The following CHST9 variants were observed in gnomAD, a reference collection of about 807,000 sequenced individuals.
The protein encoded by CHST9 is GalNAc-4-sulfotransferase 2.
A neutral mutation model predicts 44.4 loss-of-function variants in CHST9; 41 were observed. The ratio of observed to expected loss-of-function variants is 0.92; its 90% confidence interval spans 0.72 to 1.20. The LOEUF (loss-of-function observed/expected upper bound fraction) is 1.20, where lower values mean the gene tolerates loss of function less well. Ranked by LOEUF, CHST9 falls within the 50% of genes most tolerant of loss-of-function variation. The pLI is 0.00. For synonymous variants in CHST9, 171 were observed against 178.4 expected, an observed-to-expected ratio of 0.96 and a Z score of 0.33; for missense variants, 504 against 516.5, an observed-to-expected ratio of 0.98 and a Z score of 0.23.
At chr18:27,135,378 C>T (rs1462392230) in intron 2 of CHST9, among the ~76,000 whole-genome samples, 3 of 152,122 alleles carry the variant, frequency 2.0e-5, no homozygotes, top group Admixed American at 1.3e-4. Flanking sequence ...CTTTGTTGGT[C>T]TCACTTTATT....
chr18:27,091,493 G>A (rs916352101), intron 2 of CHST9, among the ~76,000 whole-genome samples: 6 of 152,152 alleles, frequency 3.9e-5, no homozygotes, highest in Non-Finnish European at 8.8e-5. Context: ...TTGAATAGGA[G>A]TGGTGAGAGA....
rs545638551 is a variant in CHST9, at chr18:27,070,984, C to T, written c.122-22481G>A. On this transcript the variant is annotated intron_variant, in intron 2 of 5. Coordinates refer to ENST00000618847, the MANE Select transcript of CHST9 (RefSeq NM_031422.6). Reference sequence around the variant, plus strand: ...ACCCCACAGGGTCCTGTGGCCTCTCCGTGGGCCTAGTTCCCATGAGTCTCC... The same window carrying T: ...ACCCCACAGGGTCCTGTGGCCTCTCTGTGGGCCTAGTTCCCATGAGTCTCC... 2.0e-5 allele frequency among the ~76,000 whole-genome samples: 3 copies of T among 152,278 alleles called. No homozygotes were observed. In the South Asian group the frequency reaches 6.2e-4, roughly 32 times the overall value.
At chr18:27,001,956 A>C (rs2056958524) in intron 4 of CHST9, among the ~76,000 whole-genome samples, 1 of 152,158 alleles carries the variant, frequency 6.6e-6, no homozygotes, top group Admixed American at 6.5e-5. Flanking sequence ...ACTCAGGGCC[A>C]AGCATATACA....
intron 1 of CHST9, among the ~76,000 whole-genome samples, chr18:27,147,515 C>T (rs532199214): frequency 1.3e-5 from 2 of 152,274 alleles, no homozygotes; most frequent in South Asian, 2.1e-4. Flanking sequence ...TTCTCCCCTC[C>T]GGTAGCAGCT....
chr18:27,017,666 G>T (rs965908587), intron 4 of CHST9, among the ~76,000 whole-genome samples: 3 of 152,166 alleles, frequency 2.0e-5, no homozygotes, highest in African/African-American at 7.2e-5. Context: ...AGGGCAAAGA[G>T]AAAACTATTT....
At chr18:26,971,649 G>C (rs1373695694) in intron 4 of CHST9, among the ~76,000 whole-genome samples, 7 of 152,254 alleles carry the variant, frequency 4.6e-5, no homozygotes, top group African/African-American at 1.7e-4. Flanking sequence ...GGGAGGAATG[G>C]ACGTGGCAGA....
rs929493132 is a variant in CHST9, at chr18:27,048,344, T to A, written c.160+121A>T. ...TTTATTTTAATTAAATTAATATCGA[T>A]CAGTTCAAAAACCATAAACTATTAA... On this transcript the variant is annotated intron_variant, in intron 3 of 5. Coordinates refer to ENST00000618847, the MANE Select transcript of CHST9 (RefSeq NM_031422.6). The A allele has an allele frequency of 5.8e-6, 4 of 686,946 alleles. No homozygotes were observed. The African/African-American group carries it at 7.6e-5, about 13-fold the overall frequency. 42.6% of individuals were successfully genotyped at this position (686,946 alleles called of 1,614,324 possible).
At chr18:27,108,728 T>A (rs2058243936) in intron 2 of CHST9, among the ~76,000 whole-genome samples, 1 of 152,186 alleles carries the variant, frequency 6.6e-6, no homozygotes, top group African/African-American at 2.4e-5. Context: ...TCACTTCTTA[T>A]CCTACCAATC....
chr18:26,939,565 T>A (rs951524480), intron 5 of CHST9, among the ~76,000 whole-genome samples: 1 of 152,068 alleles, frequency 6.6e-6, no homozygotes, highest in African/African-American at 2.4e-5. Flanking sequence ...TGAATGGAGG[T>A]CCACATACTA....
intron 1 of CHST9, among the ~76,000 whole-genome samples, chr18:27,161,089 G>GT (rs1324118251): frequency 1.3e-5 from 2 of 152,028 alleles, no homozygotes; most frequent in African/African-American, 2.4e-5. Context: ...TTTTTGAAGG[G>GT]TTTTTTGTGT....
intron 4 of CHST9, among the ~76,000 whole-genome samples, chr18:26,953,368 G>A (rs1475211405): frequency 6.6e-6 from 1 of 152,132 alleles, no homozygotes; most frequent in Non-Finnish European, 1.5e-5. Flanking sequence ...GCAGGTCTGG[G>A]TCAATTGCTT....
At chr18:27,026,929 G>A (rs898642758) in intron 3 of CHST9, among the ~76,000 whole-genome samples, 1 of 152,120 alleles carries the variant, frequency 6.6e-6, no homozygotes, top group African/African-American at 2.4e-5. Context: ...TCTGATCATC[G>A]TTTTTTGTGG....
chr18:26,959,422 A>G (rs964715041), intron 4 of CHST9, among the ~76,000 whole-genome samples: 1 of 152,218 alleles, frequency 6.6e-6, no homozygotes, highest in African/African-American at 2.4e-5. Flanking sequence ...AGCATCACAC[A>G]AGATACCCAG....
At chr18:27,054,666 T>C (rs1421562843) in intron 2 of CHST9, among the ~76,000 whole-genome samples, 1 of 152,144 alleles carries the variant, frequency 6.6e-6, no homozygotes, top group Non-Finnish European at 1.5e-5. Flanking sequence ...AGTAGTCTCT[T>C]AATCACAGTG....
intron 5 of CHST9, chr18:26,936,644 A>C (rs1258117811): frequency 6.6e-6 from 1 of 152,166 alleles, no homozygotes; most frequent in Non-Finnish European, 1.5e-5. Context: ...GATGATGCTA[A>C]CCATTTTGCT....
At chr18:27,084,027 C>A (rs573543332) in intron 2 of CHST9, among the ~76,000 whole-genome samples, 13 of 151,548 alleles carry the variant, frequency 8.6e-5, no homozygotes, top group African/African-American at 3.2e-4. Context: ...TGATGTGCTG[C>A]TAGATTTGGT....
At chr18:26,953,926 GA>G (rs1407437584) in intron 4 of CHST9, among the ~76,000 whole-genome samples, 1 of 152,170 alleles carries the variant, frequency 6.6e-6, no homozygotes, top group Non-Finnish European at 1.5e-5. Flanking sequence ...TGCCACATGT[GA>G]AGTCTTGAAA....
At chr18:27,037,454 C>A (rs1286461109) in intron 3 of CHST9, among the ~76,000 whole-genome samples, 1 of 152,148 alleles carries the variant, frequency 6.6e-6, no homozygotes, top group Non-Finnish European at 1.5e-5. Flanking sequence ...CTTTCGGAGG[C>A]CAAGGCAGGA....
In CHST9 at chr18:26,916,006, C is replaced by T; in HGVS notation, c.*253G>A. ...ACAGCTGGCTAGGTTATTGCTTCAA[C>T]AATATAATTCATAATGCAAAAGCAG... On this transcript the variant is annotated 3_prime_UTR_variant, in exon 6 of 6. Coordinates refer to ENST00000618847, the MANE Select transcript of CHST9 (RefSeq NM_031422.6). 3.1e-6 allele frequency: 1 copy of T among 322,410 alleles called. No homozygotes were observed. Among genetic ancestry groups the T allele is most frequent in the Non-Finnish European group, 5.7e-6 (1 of 174,746 alleles). 20.0% of individuals were successfully genotyped at this position (322,410 alleles called of 1,614,324 possible). A position where few individuals can be genotyped will look rare whatever the true frequency, so the allele number is the denominator to read the frequency against.
Sources: gnomAD v4.1 joint callset for allele counts (sites outside exome capture counted in the v4.1 genomes callset) on GRCh38, gnomAD v4.1.1 for gene constraint, MANE v1.5 for transcripts, NCBI Gene and HGNC (gene_info 2026-07-23, HGNC 2026-07-21) for gene names.